Variants in CEBPZ observed in about 807,000 individuals in gnomAD.
CEBPZ encodes the protein CCAAT/enhancer-binding protein zeta.
CEBPZ carries 78 observed loss-of-function variants against 104.5 expected under a neutral mutation model. The observed-to-expected ratio is 0.75, with a 90% confidence interval of 0.62 to 0.90. CEBPZ has a LOEUF of 0.90. CEBPZ is among the 40% of genes least tolerant of loss of function. CEBPZ has a pLI of 0.00. For synonymous variants in CEBPZ, 470 were observed against 427.0 expected (o/e 1.10, Z -1.24); for missense variants, 1,439 against 1,233.5 (o/e 1.17, Z -2.50).
intron 6 of CEBPZ, 27 bp downstream of exon 6, chr2:37,216,957 T>C: frequency 6.3e-7 from 1 of 1,576,272 alleles, no homozygotes; most frequent in African/African-American, 1.4e-5. Context: ...TTCTTATTTC[T>C]CATCTTTGGA....
intron 14 of CEBPZ, 28 bp downstream of exon 14, chr2:37,202,922 G>C: frequency 6.3e-7 from 1 of 1,592,718 alleles, no homozygotes; most frequent in Non-Finnish European, 8.6e-7. Flanking sequence ...AGAATAGCTA[G>C]CTTGTTAAAA....
intron 5 of CEBPZ, among the ~76,000 whole-genome samples, chr2:37,217,590 C>T (rs1664647589): frequency 6.6e-6 from 1 of 152,140 alleles, no homozygotes; most frequent in South Asian, 2.1e-4. Context: ...ATTGTAAATA[C>T]TTATAGGTCC....
intron 4 of CEBPZ, among the ~76,000 whole-genome samples, chr2:37,222,048 C>T (rs1664781866): frequency 6.6e-6 from 1 of 152,136 alleles, no homozygotes; most frequent in African/African-American, 2.4e-5. Flanking sequence ...CTTTGGGAGG[C>T]TGAGGCAGGC....
intron 1 of CEBPZ, 69 bp from the exon 2 acceptor site, chr2:37,229,105 C>A: frequency 7.9e-7 from 1 of 1,263,374 alleles, no homozygotes; most frequent in Non-Finnish European, 1.0e-6. Context: ...TAATAGGAAA[C>A]ACAACATAAT....
Position 37,215,147 on chromosome 2 carries a change from A to T in CEBPZ, c.2381-195T>A, listed in dbSNP as rs986337921. ...GTGTGAAGACCCCCCCAACATTTGA[A>T]ACTTCACTGGCTACAGCATAAAGTA... is the stretch of plus-strand genomic sequence containing the variant. On this transcript the variant is annotated intron_variant, in intron 8 of 15. Coordinates refer to ENST00000234170, the MANE Select transcript of CEBPZ (RefSeq NM_005760.3). 5.9e-5 allele frequency among the ~76,000 whole-genome samples: 9 copies of T among 151,982 alleles called. No homozygotes were observed. In the South Asian group the frequency reaches 1.3e-3, roughly 21 times the overall value.
chr2:37,212,200 A>G (rs1677742345), intron 11 of CEBPZ, 135 bp downstream of exon 11: 2 of 982,124 alleles, frequency 2.0e-6, no homozygotes, highest in African/African-American at 1.6e-5. Context: ...TCAAAGATGA[A>G]AGTACTGTAT....
chr2:37,216,077 C>G (rs1477341610), intron 8 of CEBPZ, 63 bp downstream of exon 8: 2 of 1,173,880 alleles, frequency 1.7e-6, no homozygotes, highest in Non-Finnish European at 2.5e-6. Context: ...AAGAATAATA[C>G]AATTTATGCA....
intron 13 of CEBPZ, among the ~76,000 whole-genome samples, chr2:37,205,445 G>C (rs1558467086): frequency 6.6e-6 from 1 of 151,998 alleles, no homozygotes; most frequent in African/African-American, 2.4e-5. Context: ...CCCCACTCCT[G>C]CCAGGCAGAG....
At chr2:37,210,091 G>C (rs1048060686) in intron 13 of CEBPZ, 6 of 152,158 alleles carry the variant, frequency 3.9e-5, no homozygotes, top group African/African-American at 1.4e-4. Flanking sequence ...CCTTACTCCT[G>C]CAAGAATGGC....
rs746883909 is a variant in CEBPZ, at chr2:37,220,371, T to C, written c.2154+14A>G. 1 of 1,366,218 alleles carries C rather than the reference T, an allele frequency of 7.3e-7. No homozygotes were observed. The highest frequency in any genetic ancestry group is 1.3e-5 in the South Asian group (1 of 74,984). The allele number at this position is 1,366,218 out of a possible 1,614,324, so 84.6% of individuals were successfully genotyped here. ...TAGCATAAATGAATAAAAGACAATT[T>C]GAAATTATTTTACCTTTTTGAGTTC... is the stretch of plus-strand genomic sequence containing the variant. On this transcript the variant is annotated intron_variant, in intron 5 of 15. Coordinates refer to ENST00000234170, the MANE Select transcript of CEBPZ (RefSeq NM_005760.3).
chr2:37,221,186 C>A lies in CEBPZ; in HGVS notation c.2066-713G>T, dbSNP rs556660110. 1.7e-3 allele frequency among the ~76,000 whole-genome samples: 247 copies of A among 143,252 alleles called. 1 individual carries two copies. In the South Asian group the frequency reaches 0.02, roughly 12 times the overall value. The allele number at this position is 143,252 out of a possible 152,430, so 94.0% of individuals were successfully genotyped here. A position where few individuals can be genotyped will look rare whatever the true frequency, so the allele number is the denominator to read the frequency against. ...ACACAACTAGCCATACCTGGTGGCA[C>A]GAGCCTGTAGTCCCGGCTACCTGGG... On this transcript the variant is annotated intron_variant, in intron 4 of 15. Transcript: ENST00000234170.
At chr2:37,222,619 G>C in intron 3 of CEBPZ, 56 bp from the exon 4 acceptor site, 1 of 1,290,630 alleles carries the variant, frequency 7.7e-7, no homozygotes, top group Non-Finnish European at 1.1e-6. Context: ...TTGCAATAAA[G>C]TCTGTGCTCC....
At chr2:37,214,512 A>C (rs888539065) in intron 9 of CEBPZ, among the ~76,000 whole-genome samples, 2 of 152,156 alleles carry the variant, frequency 1.3e-5, no homozygotes, top group South Asian at 4.1e-4. Flanking sequence ...GCCTATAAAG[A>C]AAATTATTAT....
intron 4 of CEBPZ, 87 bp downstream of exon 4, chr2:37,222,293 A>ATAAG: frequency 8.6e-7 from 1 of 1,168,564 alleles, no homozygotes. Context: ...AAATAAATAA[A>ATAAG]TAAGTAAATA....
At chr2:37,231,318 G>A in intron 1 of CEBPZ, 94 bp downstream of exon 1, 2 of 1,569,648 alleles carry the variant, frequency 1.3e-6, no homozygotes, top group Non-Finnish European at 1.7e-6. Flanking sequence ...GGACGCCCGC[G>A]CTCTACGCAG....
chr2:37,207,361 C>G (rs1677574329), intron 13 of CEBPZ, among the ~76,000 whole-genome samples: 1 of 152,128 alleles, frequency 6.6e-6, no homozygotes, highest in Non-Finnish European at 1.5e-5. Flanking sequence ...ATTATTTTCA[C>G]CAGCACACGG....
intron 5 of CEBPZ, among the ~76,000 whole-genome samples, chr2:37,220,173 T>A (rs1664735382): frequency 6.6e-6 from 1 of 151,192 alleles, no homozygotes; most frequent in South Asian, 2.1e-4. Flanking sequence ...AAAAATTAGC[T>A]GGGCGTGGTG....
At chr2:37,213,159 A>C (rs1484841497) in intron 10 of CEBPZ, among the ~76,000 whole-genome samples, 1 of 152,242 alleles carries the variant, frequency 6.6e-6, no homozygotes, top group Non-Finnish European at 1.5e-5. Context: ...AGTTTCAATC[A>C]AAATTTCTGT....
In CEBPZ at chr2:37,214,955, A is replaced by G. The variant is rs534069602; in HGVS notation, c.2381-3T>C. ...TGCAAGGAACTCCTTACTGTTCACT[A>G]CAAAAATAAATTTAAACATTTTAAC... On this transcript the variant is annotated splice_region_variant and splice_polypyrimidine_tract_variant and intron_variant, in intron 8 of 15. Transcript: ENST00000234170. The G allele has an allele frequency of 8.8e-6, 14 of 1,596,552 alleles. No individual in the cohort carries two copies. In the South Asian group the frequency reaches 1.4e-4, roughly 16 times the overall value.
Sources: allele counts gnomAD v4.1 joint callset (sites outside exome capture counted in the v4.1 genomes callset), GRCh38; gene constraint gnomAD v4.1.1; transcripts MANE v1.5; gene names NCBI Gene and HGNC (gene_info 2026-07-23, HGNC 2026-07-21).